The following OTOG variants were observed in gnomAD, a reference collection of about 807,000 sequenced individuals.
OTOG encodes the protein otogelin.
A neutral mutation model predicts 313.8 loss-of-function variants in OTOG; 296 were observed. The ratio of observed to expected loss-of-function variants is 0.94; its 90% confidence interval spans 0.86 to 1.04. OTOG has a LOEUF of 1.04. Ranked by LOEUF, OTOG falls within the 50% of genes least tolerant of loss-of-function variation. The pLI is 0.00. For synonymous variants in OTOG, 1,533 were observed against 1,554.9 expected, an observed-to-expected ratio of 0.99 and a Z score of 0.33; for missense variants, 3,948 against 3,840.1, an observed-to-expected ratio of 1.03 and a Z score of -0.74.
Position 17,611,379 on chromosome 11 carries a change from G to T in OTOG, c.6079G>T (p.Ala2027Ser). The change falls in exon 36 of 56, where the codon GCT becomes TCT. Residue 2027 changes from alanine to serine, a missense_variant. Physicochemically the swap from Ala to Ser is moderately conservative, Grantham distance 99. Coordinates refer to ENST00000399397, the MANE Select transcript of OTOG (RefSeq NM_001292063.2). The part of the protein sequence containing the change: ...ALSIVEGLAE[A>S]LATTTEANTS... ...GAGCATCGTAGAGGGTTTGGCGGAG[G>T]CTTTGGCAACTACCACTGAGGCCAA... is the stretch of plus-strand genomic sequence containing the variant. 6.5e-7 allele frequency: 1 copy of T among 1,542,480 alleles called. No homozygotes were observed. The highest frequency in any genetic ancestry group is 8.8e-7 in the Non-Finnish European group (1 of 1,141,130).
In OTOG at chr11:17,586,591, G is replaced by A; in HGVS notation, c.2867+10G>A. On this transcript the variant is annotated intron_variant, in intron 24 of 55. Coordinates refer to ENST00000399397, the MANE Select transcript of OTOG (RefSeq NM_001292063.2). ...CTCCTTGCCATACCTGGTAAGTGAG[G>A]GTCCCAAGCAGGCTTTGCTTTTTTG... The A allele has an allele frequency of 2.9e-6, 4 of 1,356,872 alleles. No individual in the cohort carries two copies. Among genetic ancestry groups the A allele is most frequent in the Non-Finnish European group, 3.8e-6 (4 of 1,045,228 alleles). 84.1% of individuals were successfully genotyped at this position (1,356,872 alleles called of 1,614,324 possible). A position where few individuals can be genotyped will look rare whatever the true frequency, so the allele number is the denominator to read the frequency against.
At chr11:17,568,716 G>A (rs1852342368) in intron 15 of OTOG, among the ~76,000 whole-genome samples, 1 of 152,224 alleles carries the variant, frequency 6.6e-6, no homozygotes, top group South Asian at 2.1e-4. Context: ...GAGGCCCAGA[G>A]AATATTACCT....
chr11:17,553,488 A>T lies in OTOG; in HGVS notation c.509A>T (p.His170Leu). ...GGCAGCTACACCCTGGTGGGTCGCC[A>T]TGAGCCCGAGGGACAGAGCTTCTCC... ...GKGSYTLVGR[H>L]EPEGQSFSIQ... is the part of the protein sequence containing the mutation. The change falls in exon 6 of 56, where the codon CAT (histidine) becomes CTT (leucine). Residue 170 changes from histidine to leucine, a missense_variant. His to Leu is a moderately conservative substitution (Grantham distance 99). Coordinates refer to ENST00000399397, the MANE Select transcript of OTOG (RefSeq NM_001292063.2). 2.1e-6 allele frequency: 3 copies of T among 1,453,412 alleles called. No individual in the cohort carries two copies. The highest frequency in any genetic ancestry group is 2.7e-6 in the Non-Finnish European group (3 of 1,101,546). The allele number at this position is 1,453,412 out of a possible 1,614,324, so 90.0% of individuals were successfully genotyped here.
At chr11:17,644,645 A>G (rs1358586425) in intron 54 of OTOG, among the ~76,000 whole-genome samples, 2 of 152,250 alleles carry the variant, frequency 1.3e-5, no homozygotes, top group East Asian at 3.8e-4. Flanking sequence ...AACAAGAAGA[A>G]GAATACAAAA....
chr11:17,551,212 C>A (rs1851923735), intron 3 of OTOG, among the ~76,000 whole-genome samples: 1 of 152,112 alleles, frequency 6.6e-6, no homozygotes. Flanking sequence ...GCCAACTGTG[C>A]CCAGGATGCC....
intron 15 of OTOG, among the ~76,000 whole-genome samples, chr11:17,567,710 A>T (rs1308483701): frequency 6.6e-6 from 1 of 152,086 alleles, no homozygotes; most frequent in South Asian, 2.1e-4. Context: ...TATGCCCTTG[A>T]ATGCATTAAA....
intron 23 of OTOG, among the ~76,000 whole-genome samples, chr11:17,586,074 A>G (rs7940163): frequency 0.23 from 35,722 of 152,074 alleles, 4,938 homozygotes; most frequent in African/African-American, 0.4. Flanking sequence ...AGACAGCAGC[A>G]CTGCTGCTTT....
chr11:17,610,291 A>G lies in OTOG; in HGVS notation c.4991A>G (p.His1664Arg). 1 of 1,550,576 alleles carries G rather than the reference A, an allele frequency of 6.4e-7. No homozygotes were observed. Among genetic ancestry groups the G allele is most frequent in the Non-Finnish European group, 8.7e-7 (1 of 1,146,928 alleles). ...ISRSPTSSGS[H>R]KAVLTPAVTK... ...AGGTCCCCCACCTCCTCGGGATCCC[A>G]CAAGGCTGTGCTGACACCTGCAGTA... Residue 1664 changes from histidine (H) to arginine (R), a missense_variant, in exon 36 of 56, where the codon CAC becomes CGC. Coordinates refer to ENST00000399397, the MANE Select transcript of OTOG (RefSeq NM_001292063.2).
chr11:17,595,398 C>A (rs1280762187), intron 28 of OTOG, among the ~76,000 whole-genome samples: 1 of 152,120 alleles, frequency 6.6e-6, no homozygotes, highest in Non-Finnish European at 1.5e-5. Context: ...TATTAGTTAT[C>A]TACTGCTATA....
chr11:17,611,218 C>A lies in OTOG; in HGVS notation c.5918C>A (p.Thr1973Lys), dbSNP rs868729716. 5 of 1,550,438 alleles carry A rather than the reference C, an allele frequency of 3.2e-6. No individual in the cohort carries two copies. The highest frequency in any genetic ancestry group is 3.5e-6 in the Non-Finnish European group (4 of 1,147,008). ...GCCCTGAGCCGTGTCTCAGCCAGGA[C>A]GGCCCCCCAAGACAGCATGCTGGTT... ...SYALSRVSAR[T>K]APQDSMLVLL... Residue 1973 changes from threonine (T) to lysine (K), a missense_variant, in exon 36 of 56, where the codon ACG (threonine) becomes AAG (lysine). Transcript: ENST00000399397.
At chr11:17,608,157 T>C in intron 33 of OTOG, 139 bp from the exon 34 acceptor site, 1 of 576,244 alleles carries the variant, frequency 1.7e-6, no homozygotes. Flanking sequence ...CAGTTTCTCC[T>C]TAGTGTGGTT....
At chr11:17,613,019 G>A (rs1853600874) in intron 38 of OTOG, among the ~76,000 whole-genome samples, 1 of 152,172 alleles carries the variant, frequency 6.6e-6, no homozygotes, top group Non-Finnish European at 1.5e-5. Context: ...TTCCTGCCAT[G>A]TAGGAGGGAT....
chr11:17,583,545 A>T (rs1852722884), intron 23 of OTOG, among the ~76,000 whole-genome samples: 1 of 152,202 alleles, frequency 6.6e-6, no homozygotes, highest in Non-Finnish European at 1.5e-5. Context: ...ATGGACATCC[A>T]GTGATTGTAG....
chr11:17,598,689 G>A (rs1035879177), intron 30 of OTOG, among the ~76,000 whole-genome samples: 1 of 152,192 alleles, frequency 6.6e-6, no homozygotes, highest in East Asian at 1.9e-4. Context: ...TTGAACTCAG[G>A]TCTGACTCTA....
At chr11:17,633,949 G>A in intron 43 of OTOG, 75 bp downstream of exon 43, 2 of 1,479,992 alleles carry the variant, frequency 1.4e-6, no homozygotes, top group Non-Finnish European at 1.8e-6. Flanking sequence ...CCACAGCTGA[G>A]TCCCATCTGC....
intron 23 of OTOG, among the ~76,000 whole-genome samples, chr11:17,580,989 A>C (rs1188494002): frequency 6.6e-6 from 1 of 152,220 alleles, no homozygotes; most frequent in Admixed American, 6.5e-5. Context: ...CAAAGAGAGA[A>C]GAGTGGAAGA....
At chr11:17,584,473 T>C (rs1316686167) in intron 23 of OTOG, among the ~76,000 whole-genome samples, 1 of 152,212 alleles carries the variant, frequency 6.6e-6, no homozygotes, top group Non-Finnish European at 1.5e-5. Flanking sequence ...AAGTTTCTTT[T>C]TATTTCTATT....
intron 4 of OTOG, 47 bp downstream of exon 4, chr11:17,552,122 C>T: frequency 6.5e-7 from 1 of 1,530,684 alleles, no homozygotes; most frequent in East Asian, 2.5e-5. Context: ...ATGGGAGAGC[C>T]CTGGCAGAGG....
chr11:17,633,850 C>T lies in OTOG; in HGVS notation c.7243C>T (p.Leu2415Phe). 4.5e-6 allele frequency: 7 copies of T among 1,543,966 alleles called. No individual in the cohort carries two copies. The highest frequency in any genetic ancestry group is 2.7e-5 in the African/African-American group (2 of 73,054). Residue 2415 changes from leucine (L) to phenylalanine (F), a missense_variant, in exon 43 of 56, where the codon CTC becomes TTC. Transcript: ENST00000399397. ...GTILHRRHSA[L>F]CIPEAKCACT... ...CATCTTACACCGGCGCCACTCTGCA[C>T]TCTGCATCCCGGAGGCCAAGTGCGG...
Sources: allele counts gnomAD v4.1 joint callset (sites outside exome capture counted in the v4.1 genomes callset), GRCh38; gene constraint gnomAD v4.1.1; transcripts MANE v1.5; gene names NCBI Gene and HGNC (gene_info 2026-07-23, HGNC 2026-07-21).